Variants in ZPBP observed in about 807,000 individuals in gnomAD.
ZPBP encodes zona pellucida-binding protein 1.
Under a neutral mutation model 44.8 loss-of-function variants are expected in ZPBP, and 26 were observed. The observed-to-expected ratio is 0.58, with a 90% CI of 0.43 to 0.81. The LOEUF is 0.81. ZPBP is among the 30% of genes least tolerant of loss of function. The pLI, the probability that ZPBP is intolerant of heterozygous loss-of-function variation, is 0.00. For missense variants in ZPBP, 409 were observed against 434.0 expected (o/e 0.94, Z 0.51); for synonymous variants, 174 against 153.2 (o/e 1.14, Z -1.00).
chr7:49,845,524 G>A (rs1269354212), downstream of ZPBP, among the ~76,000 whole-genome samples: 1 of 152,176 alleles, frequency 6.6e-6, no homozygotes, highest in African/African-American at 2.4e-5. Context: ...ATATATCTGA[G>A]AGAGAGAGGC....
intron 1 of ZPBP, chr7:49,912,342 CAG>C: frequency 1.4e-6 from 1 of 691,724 alleles, no homozygotes; most frequent in South Asian, 2.6e-5. Context: ...GTTACTACAA[CAG>C]AAGGAAATGG....
intron 7 of ZPBP, among the ~76,000 whole-genome samples, chr7:49,970,752 C>T (rs892099186): frequency 2.0e-5 from 3 of 151,642 alleles, no homozygotes; most frequent in Non-Finnish European, 4.4e-5. Flanking sequence ...CAGTGGCTCA[C>T]ACCTGTAATT....
chr7:50,052,004 G>GA (rs1005184919), intron 4 of ZPBP, among the ~76,000 whole-genome samples: 23 of 150,844 alleles, frequency 1.5e-4, no homozygotes, highest in African/African-American at 4.4e-4. Context: ...AAACTTTTCA[G>GA]AAAAAAAACA....
intron 1 of ZPBP, chr7:49,912,061 T>C: frequency 1.2e-6 from 2 of 1,613,090 alleles, no homozygotes; most frequent in Non-Finnish European, 1.7e-6. Flanking sequence ...GAAACCGCGG[T>C]GATCCCTGCT....
At chr7:50,007,879 A>G (rs1798380939) in intron 6 of ZPBP, among the ~76,000 whole-genome samples, 1 of 152,020 alleles carries the variant, frequency 6.6e-6, no homozygotes, top group African/African-American at 2.4e-5. Context: ...TTAACATAAT[A>G]AAGGCCATAT....
At chr7:49,871,839 A>G (rs556178740) in intron 2 of ZPBP, among the ~76,000 whole-genome samples, 10 of 151,864 alleles carry the variant, frequency 6.6e-5, no homozygotes, top group African/African-American at 2.4e-4. Flanking sequence ...ACATACATAC[A>G]TGTACATGTA....
chr7:49,935,635 G>A (rs1794597883), downstream of ZPBP: 1 of 152,288 alleles, frequency 6.6e-6, no homozygotes, highest in Admixed American at 6.5e-5. Context: ...CTGACCTTGT[G>A]ATCCGCCAGC....
At chr7:49,870,978 G>A (rs1791125012) in intron 2 of ZPBP, among the ~76,000 whole-genome samples, 1 of 152,150 alleles carries the variant, frequency 6.6e-6, no homozygotes, top group Non-Finnish European at 1.5e-5. Context: ...TGCACAATGA[G>A]TTGATAATCA....
At chr7:50,014,852 G>A (rs1156766125) in intron 6 of ZPBP, among the ~76,000 whole-genome samples, 1 of 152,112 alleles carries the variant, frequency 6.6e-6, no homozygotes, top group Non-Finnish European at 1.5e-5. Context: ...CCTTACTGTA[G>A]TCTGGAGACA....
intron 7 of ZPBP, among the ~76,000 whole-genome samples, chr7:49,953,111 G>A (rs1795417223): frequency 6.6e-6 from 1 of 152,226 alleles, no homozygotes; most frequent in South Asian, 2.1e-4. Context: ...ACTGTCTTGA[G>A]TGAGTTTTCA....
At chr7:49,961,141 C>A (rs1795847714) in intron 7 of ZPBP, among the ~76,000 whole-genome samples, 1 of 152,032 alleles carries the variant, frequency 6.6e-6, no homozygotes, top group Admixed American at 6.6e-5. Flanking sequence ...AATATATATC[C>A]ACACAAAGAC....
intron 5 of ZPBP, among the ~76,000 whole-genome samples, chr7:50,028,624 T>C (rs1179652695): frequency 1.0e-4 from 15 of 148,892 alleles, no homozygotes; most frequent in Non-Finnish European, 6.0e-5. Flanking sequence ...TTAGAGCTAA[T>C]AAAGGAATTC....
At chr7:49,893,242 C>T (rs1333374773) in intron 2 of ZPBP, among the ~76,000 whole-genome samples, 1 of 152,032 alleles carries the variant, frequency 6.6e-6, no homozygotes, top group Admixed American at 6.5e-5. Context: ...AGGAGTTATG[C>T]ACTAGGTTCC....
chr7:49,843,744 C>T, the ZPBP span, among the ~76,000 whole-genome samples: 4 of 152,252 alleles, frequency 2.6e-5, no homozygotes, highest in South Asian at 2.1e-4. Context: ...GGATGAGAAG[C>T]GAAGATTTGA....
rs879726154 is a variant in ZPBP, at chr7:49,893,635, GT to G, written n.509+7482del. Among the ~76,000 whole-genome samples, 348 of 72,662 alleles carry G rather than the reference GT, an allele frequency of 4.8e-3. 4 individuals carry two copies. The highest frequency in any genetic ancestry group is 0.032 in the East Asian group (51 of 1,598). 47.7% of individuals were successfully genotyped at this position (72,662 alleles called of 152,430 possible). On this transcript the variant is annotated intron_variant and non_coding_transcript_variant, in intron 2 of 2. Coordinates refer to the ZPBP transcript ENST00000465922. ...AATGAAAATGTATCTTAGGAAACCA[GT>G]TTTTTTTTTTTTTATCCTTTTGAGA...
At chr7:49,882,574 AAG>A (rs752226598) in intron 2 of ZPBP, among the ~76,000 whole-genome samples, 4 of 151,938 alleles carry the variant, frequency 2.6e-5, no homozygotes, top group Non-Finnish European at 5.9e-5. Flanking sequence ...GGGAGTAACA[AAG>A]AGAGATAAGG....
At chr7:49,965,651 T>C (rs1287367904) in intron 7 of ZPBP, among the ~76,000 whole-genome samples, 2 of 152,012 alleles carry the variant, frequency 1.3e-5, no homozygotes, top group Admixed American at 1.3e-4. Flanking sequence ...ACCTAAAAGA[T>C]AACTGACTGT....
At chr7:50,014,519 C>T (rs1044439905) in intron 6 of ZPBP, among the ~76,000 whole-genome samples, 3 of 142,772 alleles carry the variant, frequency 2.1e-5, no homozygotes, top group African/African-American at 7.8e-5. Flanking sequence ...GACTGGAGTG[C>T]AGTGGTGTGA....
intron 1 of ZPBP, among the ~76,000 whole-genome samples, chr7:49,908,652 G>A (rs1262720941): frequency 1.3e-5 from 2 of 151,904 alleles, no homozygotes; most frequent in African/African-American, 4.8e-5. Flanking sequence ...TGATAGCCAG[G>A]TCTTTGTTCT....
Sources: allele counts gnomAD v4.1 joint callset (sites outside exome capture counted in the v4.1 genomes callset), GRCh38; gene constraint gnomAD v4.1.1; transcripts MANE v1.5; gene names NCBI Gene and HGNC (gene_info 2026-07-23, HGNC 2026-07-21).